The following AUTS2 variants were observed in gnomAD, a reference collection of about 807,000 sequenced individuals.
AUTS2 encodes the protein activator of transcription and developmental regulator AUTS2, also known as autism susceptibility gene 2 protein.
A neutral mutation model predicts 112.4 loss-of-function variants in AUTS2; 17 were observed. The observed-to-expected ratio is 0.15, with a 90% CI of 0.10 to 0.23. The LOEUF (loss-of-function observed/expected upper bound fraction) is 0.23. Ranked by LOEUF, AUTS2 falls within the 10% of genes least tolerant of loss-of-function variation. The pLI is 1.00. For missense variants in AUTS2, 1,510 were observed against 1,701.6 expected, an observed-to-expected ratio of 0.89 and a Z score of 1.98; for synonymous variants, 751 against 702.7, an observed-to-expected ratio of 1.07 and a Z score of -1.09.
chr7:70,511,778 G>A (rs181955169), intron 5 of AUTS2, among the ~76,000 whole-genome samples: 141 of 151,764 alleles, frequency 9.3e-4, no homozygotes, highest in African/African-American at 3.0e-3. Context: ...GTTTCACCAC[G>A]TTGGCCAGGC....
At chr7:70,488,561 A>C (rs1020486925) in intron 5 of AUTS2, among the ~76,000 whole-genome samples, 1 of 152,072 alleles carries the variant, frequency 6.6e-6, no homozygotes, top group East Asian at 1.9e-4. Flanking sequence ...CTTAGCCCTG[A>C]AAGCTGCAGG....
At chr7:69,702,102 A>T (rs753312509) in intron 1 of AUTS2, among the ~76,000 whole-genome samples, 1 of 152,220 alleles carries the variant, frequency 6.6e-6, no homozygotes, top group African/African-American at 2.4e-5. Context: ...CGAGAGGTCA[A>T]TGTGGTGCTG....
chr7:70,399,214 C>T (rs1794221164), intron 4 of AUTS2, among the ~76,000 whole-genome samples: 1 of 151,700 alleles, frequency 6.6e-6, no homozygotes, highest in Non-Finnish European at 1.5e-5. Flanking sequence ...GGTCTCAAAC[C>T]CCTGGATTCA....
chr7:70,311,272 T>A (rs1331490901), intron 4 of AUTS2, among the ~76,000 whole-genome samples: 1 of 152,358 alleles, frequency 6.6e-6, no homozygotes, highest in South Asian at 2.1e-4. Context: ...GTATTGAGAC[T>A]ACTGTCTGGG....
chr7:70,674,991 G>A lies in AUTS2; in HGVS notation c.691-23578G>A, dbSNP rs1185816343. On this transcript the variant is annotated intron_variant, in intron 5 of 18. Coordinates refer to ENST00000342771, the MANE Select transcript of AUTS2 (RefSeq NM_015570.4). ...AAGAGCTCCTGGCATGTGACTTGAT[G>A]CACCTCCTGCACCCTGCGATTCAGG... Among the ~76,000 whole-genome samples the A allele has an allele frequency of 2.6e-5, 4 of 152,136 alleles. No individual in the cohort carries two copies. In the East Asian group the frequency reaches 5.8e-4, roughly 22 times the overall value.
chr7:70,241,242 C>T (rs1371766471), intron 4 of AUTS2, among the ~76,000 whole-genome samples: 1 of 152,136 alleles, frequency 6.6e-6, no homozygotes, highest in Non-Finnish European at 1.5e-5. Context: ...ACCTAAGATT[C>T]CAGGCCACAA....
At chr7:69,746,807 G>C (rs140728631) in intron 1 of AUTS2, among the ~76,000 whole-genome samples, 3,002 of 152,198 alleles carry the variant, frequency 0.02, 41 homozygotes, top group Non-Finnish European at 0.03. Flanking sequence ...GGCTGTATTA[G>C]GTAAGAAGAC....
intron 2 of AUTS2, among the ~76,000 whole-genome samples, chr7:69,904,806 C>T (rs755318688): frequency 1.3e-4 from 19 of 151,904 alleles, no homozygotes; most frequent in Non-Finnish European, 2.1e-4. Flanking sequence ...TTTCCCCTTG[C>T]CTAAAGTATA....
intron 1 of AUTS2, among the ~76,000 whole-genome samples, chr7:69,803,753 G>A (rs1790183778): frequency 6.6e-6 from 1 of 152,208 alleles, no homozygotes; most frequent in South Asian, 2.1e-4. Flanking sequence ...TTCTAGGCCA[G>A]GCATGGTGGC....
chr7:69,862,237 A>G (rs1793018384), intron 1 of AUTS2, among the ~76,000 whole-genome samples: 1 of 152,246 alleles, frequency 6.6e-6, no homozygotes, highest in East Asian at 1.9e-4. Flanking sequence ...AGGTAAAATC[A>G]TGACTCATGC....
chr7:70,657,790 C>T (rs530742915), intron 5 of AUTS2, among the ~76,000 whole-genome samples: 1 of 152,278 alleles, frequency 6.6e-6, no homozygotes, highest in East Asian at 1.9e-4. Flanking sequence ...AAGTCATCCG[C>T]ATCGTACTTG....
At chr7:69,707,413 A>G (rs914953188) in intron 1 of AUTS2, among the ~76,000 whole-genome samples, 7 of 152,242 alleles carry the variant, frequency 4.6e-5, no homozygotes, top group Admixed American at 3.3e-4. Flanking sequence ...GTATGCTGCT[A>G]ATAAAGGATT....
chr7:69,832,081 A>G (rs1340699359), intron 1 of AUTS2, among the ~76,000 whole-genome samples: 1 of 152,154 alleles, frequency 6.6e-6, no homozygotes, highest in Non-Finnish European at 1.5e-5. Flanking sequence ...AAACTCAGAG[A>G]AGGACCTCCC....
At chr7:70,508,516 C>T (rs1799059381) in intron 5 of AUTS2, among the ~76,000 whole-genome samples, 1 of 152,184 alleles carries the variant, frequency 6.6e-6, no homozygotes, top group Non-Finnish European at 1.5e-5. Flanking sequence ...CTCTTTTCCT[C>T]ATCCTTCCTC....
At chr7:69,981,072 C>T (rs903077846) in intron 2 of AUTS2, among the ~76,000 whole-genome samples, 2 of 152,160 alleles carry the variant, frequency 1.3e-5, no homozygotes, top group African/African-American at 2.4e-5. Flanking sequence ...GAGAGGCCCA[C>T]ATTTATTAAA....
intron 1 of AUTS2, among the ~76,000 whole-genome samples, chr7:69,783,237 CT>C (rs961998952): frequency 2.0e-5 from 3 of 151,918 alleles, no homozygotes; most frequent in African/African-American, 7.3e-5. Flanking sequence ...ACTTGTCATC[CT>C]TTGGAGATTA....
chr7:69,856,030 G>T (rs942481206), intron 1 of AUTS2, among the ~76,000 whole-genome samples: 4 of 152,176 alleles, frequency 2.6e-5, no homozygotes, highest in Non-Finnish European at 5.9e-5. Flanking sequence ...CTGAGTGGAT[G>T]GAATAAATCA....
intron 1 of AUTS2, among the ~76,000 whole-genome samples, chr7:69,611,834 G>T (rs1228986178): frequency 6.7e-6 from 1 of 149,260 alleles, no homozygotes; most frequent in Non-Finnish European, 1.5e-5. Flanking sequence ...GGAGGCTGAG[G>T]CAGGAGAATG....
At chr7:69,870,347 G>C (rs1401026013) in intron 1 of AUTS2, among the ~76,000 whole-genome samples, 3 of 148,994 alleles carry the variant, frequency 2.0e-5, no homozygotes, top group Non-Finnish European at 4.5e-5. Flanking sequence ...AAATTATGTA[G>C]ATATTTAAGT....
Sources: allele counts gnomAD v4.1 joint callset (sites outside exome capture counted in the v4.1 genomes callset), GRCh38; gene constraint gnomAD v4.1.1; transcripts MANE v1.5; gene names NCBI Gene and HGNC (gene_info 2026-07-23, HGNC 2026-07-21).